COL22A1: variants seen among roughly 807,000 people sequenced by gnomAD.
The protein encoded by COL22A1 is collagen alpha-1(XXII) chain.
COL22A1 carries 221 observed loss-of-function variants against 248.9 expected under a neutral mutation model. The ratio of observed to expected loss-of-function variants is 0.89; its 90% CI spans 0.80 to 0.99. The LOEUF is 0.99. Ranked by LOEUF, COL22A1 falls within the 50% of genes least tolerant of loss-of-function variation. The probability of loss-of-function intolerance (pLI) is 0.00; values close to 1 mark genes in which losing one functional copy is unlikely to be tolerated. For missense variants in COL22A1, 2,240 were observed against 2,179.0 expected (o/e 1.03, Z -0.56); for synonymous variants, 891 against 793.4 (o/e 1.12, Z -2.07).
At chr8:138,676,908 T>C (rs960613879) in intron 40 of COL22A1, among the ~76,000 whole-genome samples, 1 of 152,226 alleles carries the variant, frequency 6.6e-6, no homozygotes, top group African/African-American at 2.4e-5. Context: ...TATAACACTA[T>C]GGCCCTCCCC....
At chr8:138,832,165 G>T (rs1384393486) in intron 5 of COL22A1, among the ~76,000 whole-genome samples, 1 of 152,118 alleles carries the variant, frequency 6.6e-6, no homozygotes, top group Admixed American at 6.5e-5. Flanking sequence ...AAAAAGGGGA[G>T]GCATGAATAA....
At chr8:138,660,969 CACACAT>C (rs1823865041) in intron 43 of COL22A1, among the ~76,000 whole-genome samples, 3 of 50,100 alleles carry the variant, frequency 6.0e-5, no homozygotes, top group African/African-American at 1.3e-4. Context: ...CACACGCACA[CACACAT>C]ACACACACAC....
At chr8:138,774,631 G>A (rs1163828913) in intron 16 of COL22A1, among the ~76,000 whole-genome samples, 1 of 152,096 alleles carries the variant, frequency 6.6e-6, no homozygotes, top group African/African-American at 2.4e-5. Flanking sequence ...TGTTAAGCCA[G>A]GATGGTCTCA....
chr8:138,609,768 G>A (rs150150834), intron 56 of COL22A1, among the ~76,000 whole-genome samples: 246 of 152,196 alleles, frequency 1.6e-3, no homozygotes, highest in African/African-American at 5.5e-3. Context: ...AGTAGCATAC[G>A]GTGCCAACAC....
chr8:138,791,587 A>G (rs1325224801), intron 12 of COL22A1, among the ~76,000 whole-genome samples: 1 of 152,200 alleles, frequency 6.6e-6, no homozygotes, highest in Non-Finnish European at 1.5e-5. Context: ...TTATTTGTTT[A>G]GCAAACCACC....
chr8:138,648,604 T>A (rs1822409516), intron 46 of COL22A1, among the ~76,000 whole-genome samples: 1 of 152,096 alleles, frequency 6.6e-6, no homozygotes, highest in African/African-American at 2.4e-5. Context: ...TCCAGTTTGA[T>A]GACCCAGGAA....
intron 47 of COL22A1, among the ~76,000 whole-genome samples, chr8:138,638,391 A>T (rs1208122374): frequency 6.6e-6 from 1 of 152,036 alleles, no homozygotes; most frequent in African/African-American, 2.4e-5. Context: ...CAGTTTGTTC[A>T]TCTAGTAAAT....
At position 138,844,106 on chromosome 8, in the gene COL22A1, A is replaced by C; in HGVS notation, c.711T>G (p.Asn237Lys). The C allele has an allele frequency of 6.2e-7, 1 of 1,613,900 alleles. No homozygotes were observed. Among genetic ancestry groups the C allele is most frequent in the Non-Finnish European group, 8.5e-7 (1 of 1,179,888 alleles). Residue 237 changes from asparagine to lysine, a missense_variant, in exon 4 of 65, where the codon AAT (asparagine) becomes AAG (lysine). Asn to Lys is a moderately conservative substitution (Grantham distance 94). Transcript: ENST00000303045. ...RVEGDRFKHT[N>K]GGTKEITGFD... The stretch of plus-strand genomic sequence containing the variant: ...TACCTGTGATTTCCTTGGTTCCTCC[A>C]TTGGTGTGCTTAAAGCGATCTCCTT...
chr8:138,650,938 C>T (rs181668533), intron 45 of COL22A1, among the ~76,000 whole-genome samples: 2 of 152,290 alleles, frequency 1.3e-5, no homozygotes, highest in East Asian at 3.9e-4. Context: ...CATGCACTAA[C>T]TATGGTCTTT....
intron 55 of COL22A1, among the ~76,000 whole-genome samples, chr8:138,614,191 G>T (rs1819127428): frequency 6.6e-6 from 1 of 152,164 alleles, no homozygotes; most frequent in Non-Finnish European, 1.5e-5. Context: ...GTTTCAGGTG[G>T]CTCCATCTTG....
At position 138,694,868 on chromosome 8, in the gene COL22A1, C is replaced by T. The variant is rs1289534812; in HGVS notation, c.2604G>A (p.Gly868=). The change falls in exon 33 of 65, where the codon GGG becomes GGA. Residue 868 remains glycine, a synonymous_variant. Transcript: ENST00000303045. ...CTGGATCGCCCTTCTCTCCTTTGGG[C>T]CCTTGTTCTCCCTGTTGGTGAGAAG... is the stretch of plus-strand genomic sequence containing the variant. ...TPHPRMPGEQ[G]PKGEKGDPGL... 1 of 1,614,024 alleles carries T rather than the reference C, an allele frequency of 6.2e-7. No homozygotes were observed. The highest frequency in any genetic ancestry group is 1.7e-5 in the Admixed American group (1 of 60,008).
chr8:138,732,992 G>A (rs1033363148), intron 23 of COL22A1, among the ~76,000 whole-genome samples: 1 of 152,108 alleles, frequency 6.6e-6, no homozygotes, highest in East Asian at 1.9e-4. Context: ...GTTTATTTTG[G>A]GGGGAAGCAG....
At chr8:138,738,503 T>C (rs1451877521) in intron 22 of COL22A1, among the ~76,000 whole-genome samples, 1 of 152,206 alleles carries the variant, frequency 6.6e-6, no homozygotes, top group Non-Finnish European at 1.5e-5. Context: ...CTACATTTTT[T>C]TGAGTGTCTA....
At chr8:138,716,558 A>G (rs1829447939) in intron 28 of COL22A1, among the ~76,000 whole-genome samples, 1 of 152,064 alleles carries the variant, frequency 6.6e-6, no homozygotes, top group African/African-American at 2.4e-5. Context: ...CTGTTTCTTT[A>G]GGACTCAGCA....
intron 3 of COL22A1, among the ~76,000 whole-genome samples, chr8:138,845,579 T>C (rs1167347747): frequency 1.3e-5 from 2 of 152,082 alleles, no homozygotes; most frequent in Non-Finnish European, 2.9e-5. Context: ...ACTCTTTCAG[T>C]CCCTCTAACA....
intron 22 of COL22A1, among the ~76,000 whole-genome samples, chr8:138,741,389 C>T (rs1249832327): frequency 6.6e-6 from 1 of 152,202 alleles, no homozygotes; most frequent in Admixed American, 6.5e-5. Flanking sequence ...TTTCTCCAAC[C>T]CCTTTCCTCT....
intron 64 of COL22A1, 125 bp from the exon 65 acceptor site, chr8:138,589,565 C>T: frequency 1.3e-6 from 1 of 742,180 alleles, no homozygotes; most frequent in Non-Finnish European, 2.0e-6. Flanking sequence ...CAGAGCATCC[C>T]CATGGTCTGG....
At chr8:138,731,004 G>T (rs1242968336) in intron 23 of COL22A1, among the ~76,000 whole-genome samples, 5 of 152,140 alleles carry the variant, frequency 3.3e-5, no homozygotes, top group Admixed American at 6.5e-5. Context: ...CTTATGCTTA[G>T]AAAGACACAT....
intron 40 of COL22A1, among the ~76,000 whole-genome samples, chr8:138,677,475 T>C (rs1825647395): frequency 9.3e-6 from 1 of 107,262 alleles, no homozygotes; most frequent in Admixed American, 9.2e-5. Flanking sequence ...AGAAATTTTG[T>C]TTGCCATTTC....
Sources: allele counts gnomAD v4.1 joint callset (sites outside exome capture counted in the v4.1 genomes callset), GRCh38; gene constraint gnomAD v4.1.1; transcripts MANE v1.5; gene names NCBI Gene and HGNC (gene_info 2026-07-23, HGNC 2026-07-21).